RASGRF1: variants seen among roughly 807,000 people sequenced by gnomAD.
RASGRF1 encodes Ras protein specific guanine nucleotide releasing factor 1.
Under a neutral mutation model 138.7 loss-of-function variants are expected in RASGRF1, and 40 were observed. The ratio of observed to expected loss-of-function variants is 0.29; its 90% CI spans 0.22 to 0.38. The LOEUF is 0.38. Ranked by LOEUF, RASGRF1 falls within the 10% of genes least tolerant of loss-of-function variation. RASGRF1 has a pLI of 1.00. For synonymous variants in RASGRF1, 614 were observed against 663.2 expected, an observed-to-expected ratio of 0.93 and a Z score of 1.14; for missense variants, 1,108 against 1,650.4, an observed-to-expected ratio of 0.67 and a Z score of 5.69.
chr15:79,033,885 C>G (rs911828712), intron 6 of RASGRF1, among the ~76,000 whole-genome samples: 1 of 152,156 alleles, frequency 6.6e-6, no homozygotes, highest in Non-Finnish European at 1.5e-5. Flanking sequence ...TCACCGTGCT[C>G]GGCCAAAACA....
At chr15:79,030,443 C>G (rs1361053434) in intron 8 of RASGRF1, among the ~76,000 whole-genome samples, 1 of 152,196 alleles carries the variant, frequency 6.6e-6, no homozygotes, top group Non-Finnish European at 1.5e-5. Flanking sequence ...GGCGGTCTCA[C>G]CAGTGCTGTC....
At chr15:79,065,232 G>A (rs1230437060) in intron 1 of RASGRF1, among the ~76,000 whole-genome samples, 1 of 152,244 alleles carries the variant, frequency 6.6e-6, no homozygotes, top group Non-Finnish European at 1.5e-5. Context: ...AAAGGGCTGT[G>A]GGGGCACAGA....
At chr15:79,072,124 A>G (rs1209225976) in intron 1 of RASGRF1, among the ~76,000 whole-genome samples, 3 of 152,168 alleles carry the variant, frequency 2.0e-5, no homozygotes, top group Non-Finnish European at 2.9e-5. Flanking sequence ...CCAAAGCCTC[A>G]GTCAGGCCAG....
chr15:79,022,705 T>A (rs984514139), intron 10 of RASGRF1, among the ~76,000 whole-genome samples: 3 of 152,174 alleles, frequency 2.0e-5, no homozygotes, highest in African/African-American at 7.2e-5. Flanking sequence ...AACAGAAGTA[T>A]TCAATATTTG....
At chr15:79,049,954 G>A (rs532951887) in intron 3 of RASGRF1, among the ~76,000 whole-genome samples, 29 of 152,150 alleles carry the variant, frequency 1.9e-4, no homozygotes, top group African/African-American at 5.3e-4. Flanking sequence ...CCAAACAACC[G>A]GTCCCTTTTT....
At chr15:79,052,196 G>T (rs2057442475) in intron 3 of RASGRF1, among the ~76,000 whole-genome samples, 1 of 152,046 alleles carries the variant, frequency 6.6e-6, no homozygotes. Flanking sequence ...ACTGTCACTT[G>T]CTACACCTGC....
chr15:79,045,811 C>A (rs369005284), intron 5 of RASGRF1, among the ~76,000 whole-genome samples: 1 of 152,200 alleles, frequency 6.6e-6, no homozygotes, highest in Non-Finnish European at 1.5e-5. Flanking sequence ...GAAGGTGGCC[C>A]TGGGTCCCAA....
intron 13 of RASGRF1, among the ~76,000 whole-genome samples, chr15:79,008,107 C>T (rs965761289): frequency 5.9e-5 from 9 of 152,248 alleles, no homozygotes; most frequent in African/African-American, 1.9e-4. Flanking sequence ...TCCCAGAGTG[C>T]TGGGATTACA....
At chr15:78,998,631 G>T in intron 18 of RASGRF1, 88 bp downstream of exon 18, 1 of 1,123,382 alleles carries the variant, frequency 8.9e-7, no homozygotes, top group Non-Finnish European at 1.3e-6. Context: ...AGCTCACTCT[G>T]CCCGCAGCTG....
chr15:79,017,805 G>C lies in RASGRF1; in HGVS notation c.1708C>G (p.Gln570Glu), dbSNP rs1298846085. 1 of 1,612,178 alleles carries C rather than the reference G, an allele frequency of 6.2e-7. No homozygotes were observed. The highest frequency in any genetic ancestry group is 8.5e-7 in the Non-Finnish European group (1 of 1,179,338). ...TCACTGGTCCACGCTGCCTTCTCCT[G>C]TCTGGACGAGGCCACTAGGATGACT... ...FTVILVASSR[Q>E]EKAAWTSDIS... is the part of the protein sequence containing the mutation. The change falls in exon 12 of 27, where the codon CAG becomes GAG. Residue 570 changes from glutamine to glutamate, a missense_variant. Coordinates refer to ENST00000558480, the MANE Select transcript of RASGRF1 (RefSeq NM_001145648.3).
chr15:79,049,329 G>T (rs1287186356), intron 4 of RASGRF1, among the ~76,000 whole-genome samples, 167 bp downstream of exon 4: 1 of 152,022 alleles, frequency 6.6e-6, no homozygotes, highest in African/African-American at 2.4e-5. Context: ...ACTTGACAGG[G>T]TACCCTTCAG....
intron 2 of RASGRF1, among the ~76,000 whole-genome samples, chr15:79,058,701 G>T (rs775601197): frequency 2.6e-5 from 4 of 152,174 alleles, no homozygotes; most frequent in Non-Finnish European, 5.9e-5. Flanking sequence ...GCCCGAGTGC[G>T]AGCCTGATCC....
chr15:79,034,309 T>G (rs923812376), intron 6 of RASGRF1, among the ~76,000 whole-genome samples: 9 of 152,268 alleles, frequency 5.9e-5, no homozygotes, highest in African/African-American at 1.7e-4. Flanking sequence ...AGAAAGACAT[T>G]TGGTGTAGGT....
At chr15:79,078,384 C>A (rs866549741) in intron 1 of RASGRF1, among the ~76,000 whole-genome samples, 2 of 152,198 alleles carry the variant, frequency 1.3e-5, no homozygotes, top group East Asian at 3.9e-4. Flanking sequence ...TGCTCACCAA[C>A]GCTGGTTCCT....
intron 22 of RASGRF1, among the ~76,000 whole-genome samples, chr15:78,988,061 G>T (rs1288669057): frequency 6.6e-6 from 1 of 152,212 alleles, no homozygotes; most frequent in Non-Finnish European, 1.5e-5. Flanking sequence ...AGAACCAAAT[G>T]GTGGATTTGA....
rs149095353 is a variant in RASGRF1 at position 79,005,228 on chromosome 15, G to A, written c.2075+958C>T. ...AGGAGGAGGGAACAGAAGAGGGAAC[G>A]GGTGTATTCTGGGTCGTTGCGTTGC... is the stretch of plus-strand genomic sequence containing the variant. On this transcript the variant is annotated intron_variant, in intron 14 of 26. Transcript: ENST00000558480. The A allele has an allele frequency of 4.4e-4, 429 of 985,562 alleles. 4 individuals are homozygous for A. In the African/African-American group the frequency reaches 6.9e-3, roughly 16 times the overall value. 61.1% of individuals were successfully genotyped at this position (985,562 alleles called of 1,614,324 possible). A position where few individuals can be genotyped will look rare whatever the true frequency, so the allele number is the denominator to read the frequency against.
At chr15:79,013,175 G>C (rs963369673) in intron 13 of RASGRF1, among the ~76,000 whole-genome samples, 1 of 152,242 alleles carries the variant, frequency 6.6e-6, no homozygotes, top group Non-Finnish European at 1.5e-5. Flanking sequence ...TAAGCGACTT[G>C]TCCATATTCA....
At chr15:78,990,862 C>A (rs2141657959) in intron 21 of RASGRF1, among the ~76,000 whole-genome samples, 1 of 152,316 alleles carries the variant, frequency 6.6e-6, no homozygotes, top group African/African-American at 2.4e-5. Flanking sequence ...TCAGGAATAT[C>A]ATCTGTTTCT....
chr15:79,005,035 G>C (rs558589036), intron 14 of RASGRF1: 20 of 985,582 alleles, frequency 2.0e-5, no homozygotes, highest in East Asian at 1.1e-4. Flanking sequence ...GACACTGTCT[G>C]CTGGGCCCCT....
Sources: gnomAD v4.1 joint callset for allele counts (sites outside exome capture counted in the v4.1 genomes callset) on GRCh38, gnomAD v4.1.1 for gene constraint, MANE v1.5 for transcripts, NCBI Gene and HGNC (gene_info 2026-07-23, HGNC 2026-07-21) for gene names.